The following GAPDHS variants were observed in gnomAD, a reference collection of about 807,000 sequenced individuals.
The protein encoded by GAPDHS is glyceraldehyde-3-phosphate dehydrogenase, testis-specific.
Under a neutral mutation model 48.7 loss-of-function variants are expected in GAPDHS, and 42 were observed. That is an observed-to-expected ratio of 0.86 (90% CI 0.67 to 1.12). The LOEUF (loss-of-function observed/expected upper bound fraction) is 1.12, where lower values mean the gene tolerates loss of function less well. GAPDHS is among the 50% of genes most tolerant of loss of function. The probability of loss-of-function intolerance (pLI) is 0.00; values close to 1 mark genes in which losing one functional copy is unlikely to be tolerated. For missense variants in GAPDHS, 512 were observed against 557.7 expected (o/e 0.92, Z 0.82); for synonymous variants, 166 against 219.1 (o/e 0.76, Z 2.14).
intron 2 of GAPDHS, 150 bp from the exon 3 acceptor site, chr19:35,538,157 G>C: frequency 1.6e-6 from 1 of 615,384 alleles, no homozygotes. Flanking sequence ...AAAGGGGCTG[G>C]TGAGGTCATC....
intron 3 of GAPDHS, 52 bp downstream of exon 3, chr19:35,538,455 G>C (rs1193191066): frequency 7.9e-7 from 1 of 1,267,788 alleles, no homozygotes; most frequent in African/African-American, 1.5e-5. Context: ...GGGTGGGAAA[G>C]GGACTCAGGG....
In GAPDHS at chr19:35,542,471, AC is replaced by A. The variant is rs1389359209; in HGVS notation, c.541-17del. The A allele has an allele frequency of 1.9e-6, 3 of 1,603,814 alleles. No homozygotes were observed. Among genetic ancestry groups the A allele is most frequent in the African/African-American group, 1.3e-5 (1 of 74,642 alleles). ...GATGATGGTGCCAGAAGCCCCTGAC[AC>A]CTGCGCTTCCTCCCCAGGACCACAT... On this transcript the variant is annotated intron_variant, in intron 5 of 10. Transcript: ENST00000222286.
intron 2 of GAPDHS, among the ~76,000 whole-genome samples, chr19:35,537,444 G>T (rs1467405547): frequency 4.6e-5 from 7 of 152,160 alleles, no homozygotes; most frequent in Non-Finnish European, 1.0e-4. Context: ...AAGTCAGAGT[G>T]GCTGGTGTCC....
intron 7 of GAPDHS, 21 bp downstream of exon 7, chr19:35,543,047 TG>T: frequency 6.3e-7 from 1 of 1,575,338 alleles, no homozygotes; most frequent in Non-Finnish European, 8.7e-7. Flanking sequence ...GATGAGGGGC[TG>T]GGGCAGGAAG....
chr19:35,545,215 C>G lies in GAPDHS; in HGVS notation c.*45C>G, dbSNP rs780854278. ...TCCTTCCCAGGGGCCGGGGCCGGAACATGTGCCTCCCGTTCCAGCATCTGG... is the reference window on the plus strand; with the variant it reads ...TCCTTCCCAGGGGCCGGGGCCGGAAGATGTGCCTCCCGTTCCAGCATCTGG... On this transcript the variant is annotated 3_prime_UTR_variant, in exon 11 of 11. Transcript: ENST00000222286. 6.0e-6 allele frequency: 9 copies of G among 1,508,454 alleles called. No homozygotes were observed. In the South Asian group the frequency reaches 9.0e-5, roughly 15 times the overall value. 93.4% of individuals were successfully genotyped at this position (1,508,454 alleles called of 1,614,324 possible).
rs369789022 is a variant in GAPDHS at position 35,542,476 on chromosome 19, C to T, written c.541-14C>T. 97 of 1,601,356 alleles carry T rather than the reference C, an allele frequency of 6.1e-5. No homozygotes were observed. In the African/African-American group the frequency reaches 9.2e-4, roughly 15 times the overall value. ...TGGTGCCAGAAGCCCCTGACACCTGCGCTTCCTCCCCAGGACCACATCTCT... is the reference window on the plus strand; with the variant it reads ...TGGTGCCAGAAGCCCCTGACACCTGTGCTTCCTCCCCAGGACCACATCTCT... On this transcript the variant is annotated splice_polypyrimidine_tract_variant and intron_variant, in intron 5 of 10. Coordinates refer to ENST00000222286, the MANE Select transcript of GAPDHS (RefSeq NM_014364.5).
intron 1 of GAPDHS, among the ~76,000 whole-genome samples, chr19:35,536,336 T>C (rs1264516389): frequency 6.6e-6 from 1 of 151,810 alleles, no homozygotes; most frequent in Non-Finnish European, 1.5e-5. Flanking sequence ...TCCCAGCACT[T>C]TGGGAGGCTG....
At chr19:35,537,957 T>C (rs1231677759) in intron 2 of GAPDHS, among the ~76,000 whole-genome samples, 1 of 152,126 alleles carries the variant, frequency 6.6e-6, no homozygotes, top group Non-Finnish European at 1.5e-5. Flanking sequence ...GCGCCTGTAG[T>C]CCCAGCTACT....
chr19:35,542,612 A>G lies in GAPDHS; in HGVS notation c.659+4A>G. On this transcript the variant is annotated splice_donor_region_variant and intron_variant, in intron 6 of 10. Coordinates refer to ENST00000222286, the MANE Select transcript of GAPDHS (RefSeq NM_014364.5). ...CTGGCTCCATGAACATTGTGAGGTA[A>G]TGTGGGCAGTGACATCCTGCAATGT... The G allele has an allele frequency of 1.3e-6, 2 of 1,573,834 alleles. No individual in the cohort carries two copies. Among genetic ancestry groups the G allele is most frequent in the South Asian group, 1.1e-5 (1 of 90,176 alleles).
In GAPDHS at chr19:35,542,943, A is replaced by G. The variant is rs2071515123; in HGVS notation, c.660-2A>G. The G allele has an allele frequency of 1.2e-6, 2 of 1,613,264 alleles. No homozygotes were observed. Among genetic ancestry groups the G allele is most frequent in the South Asian group, 1.1e-5 (1 of 91,068 alleles). ...TGTCCGTGCACACCTTGGCTGTTTC[A>G]GCAACGCGTCCTGCACCACCAACTG... is the stretch of plus-strand genomic sequence containing the variant. On this transcript the variant is annotated splice_acceptor_variant, in intron 6 of 10. Transcript: ENST00000222286. LOFTEE classifies it high-confidence loss of function.
Position 35,545,102 on chromosome 19 carries a change from G to A in GAPDHS, c.1159G>A (p.Asp387Asn), listed in dbSNP as rs749541613. The A allele has an allele frequency of 5.0e-6, 8 of 1,614,042 alleles. No individual in the cohort carries two copies. The highest frequency in any genetic ancestry group is 2.2e-5 in the South Asian group (2 of 91,080). The change falls in exon 11 of 11, where the codon GAC becomes AAC. Residue 387 changes from aspartate (D) to asparagine (N), a missense_variant. By Grantham distance (23) the Asp-to-Asn change is conservative. Transcript: ENST00000222286. ...CTCCCGACCCCTCCTCCACAGGTAC[G>A]ACAACGAATATGGCTACAGTCACCG... The part of the protein sequence containing the change: ...DNFVKLISWY[D>N]NEYGYSHRVV...
intron 2 of GAPDHS, 96 bp downstream of exon 2, chr19:35,537,086 A>C: frequency 9.3e-7 from 1 of 1,069,708 alleles, no homozygotes. Context: ...CCCCCCATCA[A>C]TGCTTTCGTT....
At chr19:35,539,920 C>T (rs1005782589) in intron 4 of GAPDHS, among the ~76,000 whole-genome samples, 3 of 152,232 alleles carry the variant, frequency 2.0e-5, no homozygotes, top group Admixed American at 6.5e-5. Context: ...TCCACGGTCC[C>T]GACTCAGGTC....
intron 5 of GAPDHS, 26 bp downstream of exon 5, chr19:35,542,435 C>A (rs754613712): frequency 6.3e-7 from 1 of 1,598,760 alleles, no homozygotes; most frequent in Admixed American, 1.7e-5. Context: ...GTGCCCAGGG[C>A]TAGCTGGGGG....
chr19:35,536,901 G>C lies in GAPDHS; in HGVS notation c.156G>C (p.Lys52Asn). 1.9e-6 allele frequency: 3 copies of C among 1,614,006 alleles called. No individual in the cohort carries two copies. Among genetic ancestry groups the C allele is most frequent in the Non-Finnish European group, 2.5e-6 (3 of 1,179,960 alleles). Residue 52 changes from lysine (K) to asparagine (N), a missense_variant, in exon 2 of 11, where the codon AAG becomes AAC. Transcript: ENST00000222286. ...PEPTPVREEI[K>N]PPPPPLPPHP... ...CCACACCAGTCAGGGAGGAAATAAA[G>C]CCACCACCGCCACCACTGCCTCCTC...
Position 35,536,962 on chromosome 19 carries a change from G to C in GAPDHS, c.217G>C (p.Ala73Pro). 6.2e-7 allele frequency: 1 copy of C among 1,613,980 alleles called. No homozygotes were observed. The highest frequency in any genetic ancestry group is 1.1e-5 in the South Asian group (1 of 91,062). ...ATPPPKMVSV[A>P]RELTVGINGF... ...TCCTCCTCCTAAGATGGTGTCTGTG[G>C]CCCGGGAGCTGACTGTGGGCATCAA... The change falls in exon 2 of 11, where the codon GCC (alanine) becomes CCC (proline). Residue 73 changes from alanine to proline, a missense_variant. Transcript: ENST00000222286.
chr19:35,533,499 C>A lies in GAPDHS; in HGVS notation c.-29C>A, dbSNP rs1404367389. ...GCACCTCGGTAACATCACAGCAGGT[C>A]CAGGCCAATGATAACCTTATAAGAG... On this transcript the variant is annotated 5_prime_UTR_variant, in exon 1 of 11. Transcript: ENST00000222286. 5.0e-6 allele frequency: 8 copies of A among 1,604,588 alleles called. No homozygotes were observed. Among genetic ancestry groups the A allele is most frequent in the South Asian group, 1.1e-5 (1 of 90,868 alleles).
chr19:35,542,244 A>C (rs867466417), intron 4 of GAPDHS, 75 bp from the exon 5 acceptor site: 1 of 1,028,698 alleles, frequency 9.7e-7, no homozygotes, highest in African/African-American at 1.6e-5. Flanking sequence ...CAGCCTGTCA[A>C]ATGGTGAAAG....
chr19:35,542,932 T>C lies in GAPDHS; in HGVS notation c.660-13T>C. 7 of 1,609,988 alleles carry C rather than the reference T, an allele frequency of 4.3e-6. No individual in the cohort carries two copies. The highest frequency in any genetic ancestry group is 1.7e-5 in the Admixed American group (1 of 60,020). ...TCACCTCACAGTGTCCGTGCACACC[T>C]TGGCTGTTTCAGCAACGCGTCCTGC... On this transcript the variant is annotated splice_polypyrimidine_tract_variant and intron_variant, in intron 6 of 10. Transcript: ENST00000222286.
Sources: gnomAD v4.1 joint callset for allele counts (sites outside exome capture counted in the v4.1 genomes callset) on GRCh38, gnomAD v4.1.1 for gene constraint, MANE v1.5 for transcripts, NCBI Gene and HGNC (gene_info 2026-07-23, HGNC 2026-07-21) for gene names.